The following ARHGAP15 variants were observed in gnomAD, a reference collection of about 807,000 sequenced individuals.
ARHGAP15 encodes Rho GTPase activating protein 15.
ARHGAP15 carries 51 observed loss-of-function variants against 63.7 expected under a neutral mutation model. That is an observed-to-expected ratio of 0.80 (90% CI 0.64 to 1.01). The LOEUF (loss-of-function observed/expected upper bound fraction) is 1.01. Ranked by LOEUF, ARHGAP15 falls within the 50% of genes least tolerant of loss-of-function variation. ARHGAP15 has a pLI of 0.00. For missense variants in ARHGAP15, 560 were observed against 564.6 expected (o/e 0.99, Z 0.08); for synonymous variants, 191 against 193.8 (o/e 0.99, Z 0.12).
At chr2:143,412,639 T>G (rs1000207078) in intron 6 of ARHGAP15, among the ~76,000 whole-genome samples, 3 of 152,198 alleles carry the variant, frequency 2.0e-5, no homozygotes, top group African/African-American at 7.2e-5. Context: ...ACTTATGGTA[T>G]AGCTAGGACG....
intron 8 of ARHGAP15, chr2:143,437,308 G>A: frequency 2.8e-6 from 1 of 355,678 alleles, no homozygotes; most frequent in Non-Finnish European, 5.2e-6. Context: ...AATAGCCATG[G>A]TGTTCAGATC....
intron 6 of ARHGAP15, among the ~76,000 whole-genome samples, chr2:143,346,289 A>T (rs1203486221): frequency 6.7e-6 from 1 of 149,832 alleles, no homozygotes; most frequent in East Asian, 2.0e-4. Context: ...CAAACACACC[A>T]GGGAGAGGAT....
chr2:143,542,157 G>T (rs1695094867), intron 10 of ARHGAP15, among the ~76,000 whole-genome samples: 1 of 152,180 alleles, frequency 6.6e-6, no homozygotes, highest in Non-Finnish European at 1.5e-5. Flanking sequence ...AGGCTTCGTG[G>T]GCGTAGGACC....
At position 143,765,147 on chromosome 2, in the gene ARHGAP15, G is replaced by GT. The variant is rs1559166655; in HGVS notation, c.1245-2842_1245-2841insT. 1.1e-4 allele frequency among the ~76,000 whole-genome samples: 16 copies of GT among 146,918 alleles called. No individual in the cohort carries two copies. The East Asian group carries it at 1.4e-3, about 13-fold the overall frequency. ...TGTGTGTGTGTGTGTGTGTGTGTGT[G>GT]GTAAAATTAATGAAGGAGTTCCCAT... On this transcript the variant is annotated intron_variant, in intron 13 of 13. Transcript: ENST00000295095.
intron 4 of ARHGAP15, among the ~76,000 whole-genome samples, chr2:143,219,757 A>G (rs1365927824): frequency 2.6e-5 from 4 of 152,216 alleles, no homozygotes; most frequent in Non-Finnish European, 5.9e-5. Context: ...TTATCCATAG[A>G]ACATTACCTT....
At chr2:143,272,875 C>CT (rs1458009510) in intron 6 of ARHGAP15, among the ~76,000 whole-genome samples, 1 of 152,036 alleles carries the variant, frequency 6.6e-6, no homozygotes, top group Non-Finnish European at 1.5e-5. Flanking sequence ...CAGAATCTTG[C>CT]TTTTTAATTG....
At chr2:143,685,600 G>A (rs909038089) in intron 12 of ARHGAP15, among the ~76,000 whole-genome samples, 5 of 152,112 alleles carry the variant, frequency 3.3e-5, no homozygotes, top group Non-Finnish European at 7.3e-5. Context: ...ATCTGCTTCC[G>A]TGCACAAAGG....
chr2:143,475,460 G>C (rs762300750), intron 8 of ARHGAP15, among the ~76,000 whole-genome samples: 39 of 152,224 alleles, frequency 2.6e-4, no homozygotes, highest in Non-Finnish European at 4.6e-4. Context: ...TTTTAATAGA[G>C]GGTTCTGTCC....
At chr2:143,534,494 C>A (rs1273014650) in intron 10 of ARHGAP15, among the ~76,000 whole-genome samples, 14 of 152,058 alleles carry the variant, frequency 9.2e-5, no homozygotes. Context: ...GCAGTCCTTA[C>A]CCAGAGAAGA....
At position 143,685,955 on chromosome 2, in the gene ARHGAP15, A is replaced by G. The variant is rs1683317992; in HGVS notation, c.1139-17464A>G. Among the ~76,000 whole-genome samples, 3 of 152,172 alleles carry G rather than the reference A, an allele frequency of 2.0e-5. No individual in the cohort carries two copies. The South Asian group carries it at 6.2e-4, about 32-fold the overall frequency. On this transcript the variant is annotated intron_variant, in intron 12 of 13. Coordinates refer to ENST00000295095, the MANE Select transcript of ARHGAP15 (RefSeq NM_018460.4). ...GAAGCTGATGTTTACTTTAAAAAAAAAATTATGTTAGCTGGAAAAGAATAA... is the reference window on the plus strand; with the variant it reads ...GAAGCTGATGTTTACTTTAAAAAAAGAATTATGTTAGCTGGAAAAGAATAA...
chr2:143,462,561 CAAAAT>C (rs1268052474), intron 8 of ARHGAP15, among the ~76,000 whole-genome samples: 2 of 152,144 alleles, frequency 1.3e-5, no homozygotes, highest in African/African-American at 2.4e-5. Context: ...ATACAATAAA[CAAAAT>C]AGATGAGCGT....
intron 13 of ARHGAP15, among the ~76,000 whole-genome samples, chr2:143,750,686 C>A (rs982023138): frequency 1.3e-5 from 2 of 152,180 alleles, no homozygotes; most frequent in Admixed American, 6.5e-5. Context: ...AAGAGAATCA[C>A]ATGCAGAGCG....
intron 12 of ARHGAP15, among the ~76,000 whole-genome samples, chr2:143,671,989 G>C (rs1484203396): frequency 1.3e-5 from 2 of 152,106 alleles, no homozygotes; most frequent in East Asian, 3.8e-4. Flanking sequence ...TTTACAGAAG[G>C]TTTTATGTAT....
At chr2:143,480,530 C>A (rs1692031493) in intron 8 of ARHGAP15, among the ~76,000 whole-genome samples, 1 of 152,146 alleles carries the variant, frequency 6.6e-6, no homozygotes, top group Non-Finnish European at 1.5e-5. Context: ...CTGAGCACTG[C>A]AGTTAAAGTG....
At position 143,188,613 on chromosome 2, in the gene ARHGAP15, CATTATTATTATT is replaced by C. The variant is rs143767405; in HGVS notation, c.166-13490_166-13479del. Among the ~76,000 whole-genome samples the C allele has an allele frequency of 5.5e-3, 768 of 140,830 alleles. 8 individuals are homozygous for C. The highest frequency in any genetic ancestry group is 0.017 in the African/African-American group (634 of 37,984). 92.4% of individuals were successfully genotyped at this position (140,830 alleles called of 152,430 possible). On this transcript the variant is annotated intron_variant, in intron 2 of 13. Coordinates refer to ENST00000295095, the MANE Select transcript of ARHGAP15 (RefSeq NM_018460.4). Reference sequence around the variant, plus strand: ...GTGTTCCTGTGCCTTATTATTTTGTCATTATTATTATTATTATTATTATTATTATTATTATTA... The same window carrying C: ...GTGTTCCTGTGCCTTATTATTTTGTCATTATTATTATTATTATTATTATTA...
At chr2:143,577,253 A>C (rs1316042561) in intron 11 of ARHGAP15, among the ~76,000 whole-genome samples, 1 of 152,144 alleles carries the variant, frequency 6.6e-6, no homozygotes, top group Non-Finnish European at 1.5e-5. Context: ...ATACGAGCTA[A>C]AATGTAATCC....
intron 6 of ARHGAP15, among the ~76,000 whole-genome samples, chr2:143,325,073 G>A (rs1307671487): frequency 2.0e-5 from 3 of 152,022 alleles, no homozygotes; most frequent in African/African-American, 7.2e-5. Flanking sequence ...TTTTTTCAGA[G>A]ATATAACTAT....
Position 143,271,509 on chromosome 2 carries a change from T to A in ARHGAP15, c.474+20909T>A, listed in dbSNP as rs1024860920. Among the ~76,000 whole-genome samples the A allele has an allele frequency of 3.3e-5, 5 of 152,276 alleles. No homozygotes were observed. The South Asian group carries it at 6.2e-4, about 19-fold the overall frequency. On this transcript the variant is annotated intron_variant, in intron 6 of 13. Coordinates refer to ENST00000295095, the MANE Select transcript of ARHGAP15 (RefSeq NM_018460.4). ...TTTGCTTGTTGAGACGGAGTCTCGC[T>A]CTGTCGCCCAGGCTTGAGTGCAGTG...
rs572115155 is a variant in ARHGAP15 at position 143,283,425 on chromosome 2, G to A, written c.474+32825G>A. Among the ~76,000 whole-genome samples the A allele has an allele frequency of 2.0e-5, 3 of 152,036 alleles. No homozygotes were observed. In the East Asian group the frequency reaches 5.8e-4, roughly 29 times the overall value. Reference sequence around the variant, plus strand: ...TGAAGTAAGACAAAAATTTAGTTTTGGATATTTAAATTAATTTTACAAAAT... The same window carrying A: ...TGAAGTAAGACAAAAATTTAGTTTTAGATATTTAAATTAATTTTACAAAAT... On this transcript the variant is annotated intron_variant, in intron 6 of 13. Coordinates refer to ENST00000295095, the MANE Select transcript of ARHGAP15 (RefSeq NM_018460.4).
Sources: allele counts gnomAD v4.1 joint callset (sites outside exome capture counted in the v4.1 genomes callset), GRCh38; gene constraint gnomAD v4.1.1; transcripts MANE v1.5; gene names NCBI Gene and HGNC (gene_info 2026-07-23, HGNC 2026-07-21).